GRIK3: variants seen among roughly 807,000 people sequenced by gnomAD.
GRIK3 encodes the protein glutamate ionotropic receptor kainate type subunit 3.
GRIK3 carries 29 observed loss-of-function variants against 102.5 expected under a neutral mutation model. The ratio of observed to expected loss-of-function variants is 0.28; its 90% CI spans 0.21 to 0.39. The LOEUF (loss-of-function observed/expected upper bound fraction) is 0.39. GRIK3 is among the 10% of genes least tolerant of loss of function. GRIK3 has a pLI of 1.00. For missense variants in GRIK3, 908 were observed against 1,252.4 expected, an observed-to-expected ratio of 0.73 and a Z score of 4.15; for synonymous variants, 511 against 504.9, an observed-to-expected ratio of 1.01 and a Z score of -0.16.
At chr1:36,866,860 C>T (rs555506288) in intron 5 of GRIK3, among the ~76,000 whole-genome samples, 7 of 152,348 alleles carry the variant, frequency 4.6e-5, no homozygotes, top group African/African-American at 9.6e-5. Context: ...TCCATCCAGC[C>T]GTCTGTCCAT....
intron 1 of GRIK3, among the ~76,000 whole-genome samples, chr1:37,002,182 T>G (rs933868843): frequency 6.6e-6 from 1 of 152,248 alleles, no homozygotes; most frequent in African/African-American, 2.4e-5. Context: ...TTTTGGGGTA[T>G]GATTTACAAA....
At chr1:36,820,201 C>T (rs753676823) in intron 11 of GRIK3, among the ~76,000 whole-genome samples, 1 of 152,108 alleles carries the variant, frequency 6.6e-6, no homozygotes, top group Non-Finnish European at 1.5e-5. Context: ...CAAAAAAAAC[C>T]TGGAAACCAC....
chr1:36,885,085 A>G (rs1009670066), intron 2 of GRIK3, among the ~76,000 whole-genome samples: 6 of 152,378 alleles, frequency 3.9e-5, no homozygotes, highest in African/African-American at 1.2e-4. Context: ...GAGGCTGCCA[A>G]TGATGATAAT....
chr1:36,950,353 A>T (rs1641831484), intron 1 of GRIK3, among the ~76,000 whole-genome samples: 1 of 152,254 alleles, frequency 6.6e-6, no homozygotes, highest in Admixed American at 6.5e-5. Flanking sequence ...ACCATCCAGA[A>T]AAAGCACCTT....
chr1:36,921,883 C>T (rs797005524), intron 1 of GRIK3, among the ~76,000 whole-genome samples: 10 of 152,274 alleles, frequency 6.6e-5, no homozygotes, highest in Admixed American at 1.3e-4. Flanking sequence ...ACAAATCCCT[C>T]GGGTCACCTG....
At chr1:36,958,853 C>A (rs1570825093) in intron 1 of GRIK3, among the ~76,000 whole-genome samples, 1 of 120,992 alleles carries the variant, frequency 8.3e-6, no homozygotes, top group Non-Finnish European at 1.8e-5. Flanking sequence ...CTCTGTGCCC[C>A]ATGAGCCTGT....
chr1:37,009,432 A>G (rs1206001965), intron 1 of GRIK3, among the ~76,000 whole-genome samples: 1 of 152,244 alleles, frequency 6.6e-6, no homozygotes, highest in Non-Finnish European at 1.5e-5. Flanking sequence ...CTGTGGAGCT[A>G]GGCTCTGGCA....
Position 36,806,418 on chromosome 1 carries a change from T to C in GRIK3, c.2092-92A>G. ...ACCCTGCACAACGTGGGTTGGGGCCTTGAACTCGGTCTACAATCTTCAGAG... is the reference window on the plus strand; with the variant it reads ...ACCCTGCACAACGTGGGTTGGGGCCCTGAACTCGGTCTACAATCTTCAGAG... On this transcript the variant is annotated intron_variant, in intron 13 of 15. Coordinates refer to ENST00000373091, the MANE Select transcript of GRIK3 (RefSeq NM_000831.4). This position sits in a 1 kb window ranked among gnomAD's most constrained non-coding sequence, Gnocchi z 4.0. 1 of 708,304 alleles carries C rather than the reference T, an allele frequency of 1.4e-6. No homozygotes were observed. The highest frequency in any genetic ancestry group is 2.4e-6 in the Non-Finnish European group (1 of 414,262). The allele number at this position is 708,304 out of a possible 1,614,324, so 43.9% of individuals were successfully genotyped here. A position where few individuals can be genotyped will look rare whatever the true frequency, so the allele number is the denominator to read the frequency against.
At position 36,853,457 on chromosome 1, in the gene GRIK3, C is replaced by T. The variant is rs1640607954; in HGVS notation, c.1212+158G>A. 2.6e-5 allele frequency among the ~76,000 whole-genome samples: 4 copies of T among 152,116 alleles called. No individual in the cohort carries two copies. The South Asian group carries it at 8.3e-4, about 32-fold the overall frequency. Reference sequence around the variant, plus strand: ...CAGGCCTTCTTGTTCTCTGATGGGCCCCCAAGAGCTACAGGCTACACTGGA... The same window carrying T: ...CAGGCCTTCTTGTTCTCTGATGGGCTCCCAAGAGCTACAGGCTACACTGGA... On this transcript the variant is annotated intron_variant, in intron 8 of 15. Transcript: ENST00000373091.
At chr1:36,985,187 G>C (rs1642291567) in intron 1 of GRIK3, among the ~76,000 whole-genome samples, 1 of 152,292 alleles carries the variant, frequency 6.6e-6, no homozygotes, top group East Asian at 1.9e-4. Context: ...GTTCTTAGGT[G>C]GTGGTGGCAG....
intron 1 of GRIK3, among the ~76,000 whole-genome samples, chr1:36,989,604 T>C (rs1260079165): frequency 6.6e-6 from 1 of 152,170 alleles, no homozygotes; most frequent in Admixed American, 6.5e-5. Flanking sequence ...CTGAATCACA[T>C]GCTTGGATCT....
At chr1:36,948,936 G>A (rs1055241514) in intron 1 of GRIK3, among the ~76,000 whole-genome samples, 2 of 152,334 alleles carry the variant, frequency 1.3e-5, no homozygotes, top group South Asian at 2.1e-4. Context: ...AAGACGCTCA[G>A]GGACCAGGGC....
chr1:36,978,615 C>T (rs10908319), intron 1 of GRIK3, among the ~76,000 whole-genome samples: 23,640 of 152,118 alleles, frequency 0.16, 2,552 homozygotes, highest in African/African-American at 0.31. Context: ...CTGTGGTCTG[C>T]GGGGGTTAGC....
chr1:36,931,766 C>T (rs1641593058), intron 1 of GRIK3, among the ~76,000 whole-genome samples: 1 of 152,040 alleles, frequency 6.6e-6, no homozygotes, highest in African/African-American at 2.4e-5. Flanking sequence ...TGTGCAGCCC[C>T]TTCTGTCTGG....
chr1:36,801,779 G>A lies in GRIK3; in HGVS notation c.*72C>T, dbSNP rs993226635. ...TCCCCAAGCCCAGTGCGGGGACAGGGGACGTTCCTTCCAATCTCCTTTGCT... is the reference window on the plus strand; with the variant it reads ...TCCCCAAGCCCAGTGCGGGGACAGGAGACGTTCCTTCCAATCTCCTTTGCT... On this transcript the variant is annotated 3_prime_UTR_variant, in exon 16 of 16. Coordinates refer to ENST00000373091, the MANE Select transcript of GRIK3 (RefSeq NM_000831.4). The A allele has an allele frequency of 1.5e-6, 2 of 1,332,026 alleles. No homozygotes were observed. Among genetic ancestry groups the A allele is most frequent in the Non-Finnish European group, 2.0e-6 (2 of 977,892 alleles). 82.5% of individuals were successfully genotyped at this position (1,332,026 alleles called of 1,614,324 possible).
chr1:37,034,122 C>A lies in GRIK3; in HGVS notation c.-14G>T. 7.0e-7 allele frequency: 1 copy of A among 1,437,470 alleles called. No homozygotes were observed. The highest frequency in any genetic ancestry group is 9.5e-7 in the Non-Finnish European group (1 of 1,049,322). The allele number at this position is 1,437,470 out of a possible 1,614,324, so 89.0% of individuals were successfully genotyped here. ...GGGAGCGGTCATCGTTGGGCGCCGC[C>A]GAGCGTGCCCGGGGCGCGGCCGTGG... On this transcript the variant is annotated 5_prime_UTR_variant, in exon 1 of 16. Transcript: ENST00000373091.
In GRIK3 at chr1:36,819,642, G is replaced by C; in HGVS notation, c.1873+94C>G. The C allele has an allele frequency of 1.4e-6, 1 of 733,320 alleles. No individual in the cohort carries two copies. The highest frequency in any genetic ancestry group is 2.5e-5 in the East Asian group (1 of 39,832). 45.4% of individuals were successfully genotyped at this position (733,320 alleles called of 1,614,324 possible). On this transcript the variant is annotated intron_variant, in intron 12 of 15. Transcript: ENST00000373091. This position sits in a 1 kb window ranked among gnomAD's most constrained non-coding sequence, Gnocchi z 4.1. Reference sequence around the variant, plus strand: ...TCATCAGGGTCTGAGGCTACCCCTAGAGGTGTGGGCTGGCTCTGCTGATGC... The same window carrying C: ...TCATCAGGGTCTGAGGCTACCCCTACAGGTGTGGGCTGGCTCTGCTGATGC...
intron 1 of GRIK3, among the ~76,000 whole-genome samples, chr1:36,954,430 C>G (rs1641879818): frequency 6.6e-6 from 1 of 152,216 alleles, no homozygotes; most frequent in South Asian, 2.1e-4. Flanking sequence ...GAAAGGTCAT[C>G]TGCGGGAGAA....
chr1:36,919,262 C>G (rs759390143), intron 1 of GRIK3, among the ~76,000 whole-genome samples: 6 of 152,066 alleles, frequency 3.9e-5, no homozygotes, highest in Non-Finnish European at 7.4e-5. Context: ...ACTCAGTGTT[C>G]AAGGGGAAGA....
Sources: allele counts gnomAD v4.1 joint callset (sites outside exome capture counted in the v4.1 genomes callset), GRCh38; gene constraint gnomAD v4.1.1; non-coding constraint Gnocchi (gnomAD v3.1); transcripts MANE v1.5; gene names NCBI Gene and HGNC (gene_info 2026-07-23, HGNC 2026-07-21).